Variants in TCF20 observed in about 807,000 individuals in gnomAD.
TCF20 encodes SPRE-binding protein.
A neutral mutation model predicts 148.6 loss-of-function variants in TCF20; 3 were observed. The observed-to-expected ratio is 0.02, with a 90% CI of 0.01 to 0.05. TCF20 has a LOEUF of 0.05. Among genes scored for constraint, TCF20 ranks in the 10% least tolerant of loss-of-function variants. TCF20 has a pLI of 1.00. For synonymous variants in TCF20, 1,049 were observed against 909.5 expected (o/e 1.15, Z -2.76); for missense variants, 2,350 against 2,429.3 (o/e 0.97, Z 0.69).
chr22:42,333,096 T>C (rs1392166945), intron 1 of TCF20, among the ~76,000 whole-genome samples: 1 of 152,248 alleles, frequency 6.6e-6, no homozygotes, highest in Non-Finnish European at 1.5e-5. Context: ...GCTGCGTCAC[T>C]CTGCCTCTCT....
chr22:42,251,520 T>TTG lies in TCF20; in HGVS notation c.-37+18818_-37+18819insCA, dbSNP rs1555947166. ...TTTTTTTTTTTTTTTTTTTTTTTTT[T>TTG]GAGACAGAATCTCACTCTGTCACCC... On this transcript the variant is annotated intron_variant, in intron 1 of 5. Coordinates refer to ENST00000677622, the MANE Select transcript of TCF20 (RefSeq NM_001378418.1). Among the ~76,000 whole-genome samples, 907 of 115,798 alleles carry TTG rather than the reference T, an allele frequency of 7.8e-3. 152 individuals are homozygous for TTG. In the East Asian group the frequency reaches 0.13, roughly 17 times the overall value. 76.0% of individuals were successfully genotyped at this position (115,798 alleles called of 152,430 possible).
chr22:42,168,555 C>T (rs1238561447), intron 5 of TCF20, 54 bp downstream of exon 5: 9 of 1,532,676 alleles, frequency 5.9e-6, no homozygotes, highest in Admixed American at 4.0e-5. Flanking sequence ...GCAGAGGCAA[C>T]GACGCCTGCT....
chr22:42,281,028 C>T (rs560371768), intron 1 of TCF20, among the ~76,000 whole-genome samples: 2 of 152,228 alleles, frequency 1.3e-5, no homozygotes, highest in African/African-American at 4.8e-5. Context: ...GGGGATAGGT[C>T]TGGGGGACTA....
Position 42,299,324 on chromosome 22 carries a change from C to T in TCF20, c.-37+44155G>A, listed in dbSNP as rs564908795. Among the ~76,000 whole-genome samples, 6 of 152,042 alleles carry T rather than the reference C, an allele frequency of 3.9e-5. No homozygotes were observed. The highest frequency in any genetic ancestry group is 1.4e-4 in the African/African-American group (6 of 41,384). ...CTGAGGGTCCTTCCCAGCCCCTCTCCCCACATCCAGCCCCCTGCTCTGGCA... is the reference window on the plus strand; with the variant it reads ...CTGAGGGTCCTTCCCAGCCCCTCTCTCCACATCCAGCCCCCTGCTCTGGCA... On this transcript the variant is annotated intron_variant, in intron 1 of 1. Coordinates refer to the TCF20 transcript ENST00000515426. The surrounding 1 kb of genome is among the most constrained non-coding windows in gnomAD (Gnocchi z 4.1).
At chr22:42,309,540 T>A (rs1927495095) in intron 1 of TCF20, among the ~76,000 whole-genome samples, 1 of 149,890 alleles carries the variant, frequency 6.7e-6, no homozygotes, top group Non-Finnish European at 1.5e-5. Flanking sequence ...GCTCCTGAGC[T>A]TCCCCCTCCC....
intron 1 of TCF20, among the ~76,000 whole-genome samples, chr22:42,219,067 G>C (rs1922085138): frequency 6.6e-6 from 1 of 151,982 alleles, no homozygotes; most frequent in African/African-American, 2.4e-5. Context: ...ACCAACGACA[G>C]AAAATGTAAA....
chr22:42,297,230 G>GC lies in TCF20; in HGVS notation c.-37+46248dup, dbSNP rs1259454559. 1.3e-5 allele frequency among the ~76,000 whole-genome samples: 2 copies of GC among 152,234 alleles called. No individual in the cohort carries two copies. The highest frequency in any genetic ancestry group is 2.9e-5 in the Non-Finnish European group (2 of 68,040). Reference sequence around the variant, plus strand: ...TGGAAAATGGGCATGATCAGAGAGGGCTACGCTGTAGAACTGACCAGGGGG... The same window carrying GC: ...TGGAAAATGGGCATGATCAGAGAGGGCCTACGCTGTAGAACTGACCAGGGGG... On this transcript the variant is annotated intron_variant, in intron 1 of 1. Transcript: ENST00000515426. The surrounding 1 kb of genome is among the most constrained non-coding windows in gnomAD (Gnocchi z 4.3).
intron 1 of TCF20, among the ~76,000 whole-genome samples, chr22:42,250,155 A>C (rs1925244236): frequency 1.3e-5 from 2 of 152,040 alleles, no homozygotes; most frequent in African/African-American, 4.8e-5. Context: ...AAAAGTTGAA[A>C]CTGGCCAGGC....
intron 1 of TCF20, among the ~76,000 whole-genome samples, chr22:42,243,168 C>T (rs1924590458): frequency 6.6e-6 from 1 of 151,466 alleles, no homozygotes; most frequent in Non-Finnish European, 1.5e-5. Flanking sequence ...GAATATACAA[C>T]AAAGAATGAA....
At position 42,290,435 on chromosome 22, in the gene TCF20, C is replaced by T. The variant is rs1390115616; in HGVS notation, c.-37+53044G>A. On this transcript the variant is annotated intron_variant, in intron 1 of 1. Coordinates refer to the TCF20 transcript ENST00000515426. This position sits in a 1 kb window ranked among gnomAD's most constrained non-coding sequence, Gnocchi z 4.2. The stretch of plus-strand genomic sequence containing the variant: ...TCATCTGCTCAAAATATAAAAACCC[C>T]AGTGAAGGGAGGCTGGGTCAGCTGT... Among the ~76,000 whole-genome samples the T allele has an allele frequency of 6.6e-6, 1 of 152,206 alleles. No individual in the cohort carries two copies. The highest frequency in any genetic ancestry group is 1.5e-5 in the Non-Finnish European group (1 of 68,028).
intron 1 of TCF20, among the ~76,000 whole-genome samples, chr22:42,225,227 C>CTCA (rs1452016270): frequency 1.3e-5 from 2 of 152,088 alleles, no homozygotes; most frequent in Admixed American, 6.5e-5. Context: ...AACTCCTGAC[C>CTCA]TCAAGTGATC....
rs760918122 is a variant in TCF20, at chr22:42,209,713, T to C, written c.5593A>G (p.Ile1865Val). The C allele has an allele frequency of 6.2e-7, 1 of 1,614,208 alleles. No homozygotes were observed. Among genetic ancestry groups the C allele is most frequent in the South Asian group, 1.1e-5 (1 of 91,080 alleles). The change falls in exon 2 of 6, where the codon ATC becomes GTC. Residue 1865 changes from isoleucine (I) to valine (V), a missense_variant. Transcript: ENST00000677622. ...TAGAGCCTGCCACAAACCAGGTAGA[T>C]TCCATTGGCCCAGAGAATACAACCC... ...HEGCILWANGIYLVCGRLYGL... is the reference protein window; with the variant it reads ...HEGCILWANGVYLVCGRLYGL...
intron 2 of TCF20, among the ~76,000 whole-genome samples, chr22:42,192,447 G>A (rs1890998284): frequency 6.6e-6 from 1 of 152,122 alleles, no homozygotes; most frequent in Admixed American, 6.5e-5. Context: ...GCTCTCGCCT[G>A]TCCATCTTCT....
At position 42,170,865 on chromosome 22, in the gene TCF20, CTG is replaced by C. The variant is rs554855782; in HGVS notation, c.5750-971_5750-970del. 3.3e-3 allele frequency among the ~76,000 whole-genome samples: 501 copies of C among 152,280 alleles called. 4 individuals carry two copies. The highest frequency in any genetic ancestry group is 0.012 in the African/African-American group (487 of 41,560). ...AAAATCTAGACGCGTATTTTCTTCTCTGTACAGAGAATGCCCAGGTGTCTGAG... is the reference window on the plus strand; with the variant it reads ...AAAATCTAGACGCGTATTTTCTTCTCTACAGAGAATGCCCAGGTGTCTGAG... On this transcript the variant is annotated intron_variant, in intron 3 of 5. Transcript: ENST00000677622.
intron 1 of TCF20, among the ~76,000 whole-genome samples, chr22:42,232,953 C>T (rs536645778): frequency 1.3e-5 from 2 of 152,048 alleles, no homozygotes; most frequent in Non-Finnish European, 2.9e-5. Flanking sequence ...CAGAGTCTCC[C>T]TCTGTCGTCC....
chr22:42,328,392 C>T (rs1196397160), intron 1 of TCF20, among the ~76,000 whole-genome samples: 2 of 152,206 alleles, frequency 1.3e-5, no homozygotes, highest in East Asian at 3.9e-4. Context: ...TCTAGGCCCA[C>T]TGAGGGTGTG....
intron 2 of TCF20, among the ~76,000 whole-genome samples, chr22:42,200,914 C>CTA (rs2147163342): frequency 6.6e-6 from 1 of 152,312 alleles, no homozygotes; most frequent in African/African-American, 2.4e-5. Context: ...AAGGCTAAAT[C>CTA]CTTCAAATAC....
At chr22:42,179,750 C>A in intron 2 of TCF20, 48 bp from the exon 3 acceptor site, 2 of 1,347,086 alleles carry the variant, frequency 1.5e-6, no homozygotes, top group East Asian at 4.6e-5. Flanking sequence ...AGATTTGGCC[C>A]TCTCCTCCAG....
rs1448244721 is a variant in TCF20, at chr22:42,290,630, GAGA to G, written c.-37+52846_-37+52848del. Among the ~76,000 whole-genome samples, 2 of 152,210 alleles carry G rather than the reference GAGA, an allele frequency of 1.3e-5. No homozygotes were observed. Among genetic ancestry groups the G allele is most frequent in the Admixed American group, 6.5e-5 (1 of 15,288 alleles). On this transcript the variant is annotated intron_variant, in intron 1 of 1. Coordinates refer to the TCF20 transcript ENST00000515426. The surrounding 1 kb of genome is among the most constrained non-coding windows in gnomAD (Gnocchi z 4.2). ...TTCTGGTTTCTGGAGGGTACCAGAGGAGAAGGAGCGCGTGCCCCTGAGCCCACT... is the reference window on the plus strand; with the variant it reads ...TTCTGGTTTCTGGAGGGTACCAGAGGAGGAGCGCGTGCCCCTGAGCCCACT...
Sources: gnomAD v4.1 joint callset for allele counts (sites outside exome capture counted in the v4.1 genomes callset) on GRCh38, gnomAD v4.1.1 for gene constraint, Gnocchi (gnomAD v3.1) non-coding constraint, MANE v1.5 for transcripts, NCBI Gene and HGNC (gene_info 2026-07-23, HGNC 2026-07-21) for gene names.